Variants in IKBKB-DT observed in about 807,000 individuals in gnomAD.
IKBKB-DT encodes IKBKB antisense RNA.
At chr8:42,241,843 A>C (rs1807008359) in intron 3 of IKBKB-DT, among the ~76,000 whole-genome samples, 1 of 152,192 alleles carries the variant, frequency 6.6e-6, no homozygotes, top group Admixed American at 6.5e-5. Context: ...GTTAGTATGG[A>C]ACTCAAGCTT....
At chr8:42,271,100 TC>T in exon 1 of IKBKB-DT, 1 of 422,830 alleles carries the variant, frequency 2.4e-6, no homozygotes, top group Non-Finnish European at 4.3e-6. Context: ...GTAACGGGGG[TC>T]ATTTCAGGGC....
intron 3 of IKBKB-DT, among the ~76,000 whole-genome samples, chr8:42,239,792 C>G (rs1329505544): frequency 6.6e-6 from 1 of 150,750 alleles, no homozygotes; most frequent in Admixed American, 6.6e-5. Context: ...AGTACAGGCA[C>G]CACCCACAGC....
intron 3 of IKBKB-DT, among the ~76,000 whole-genome samples, chr8:42,234,341 G>A (rs1806891446): frequency 1.3e-5 from 2 of 152,060 alleles, no homozygotes; most frequent in Admixed American, 1.3e-4. Flanking sequence ...GCTTCCCACT[G>A]TAACAAAAAT....
chr8:42,244,380 T>G (rs59220526), intron 3 of IKBKB-DT, among the ~76,000 whole-genome samples: 8,292 of 152,242 alleles, frequency 0.054, 713 homozygotes, highest in African/African-American at 0.18. Flanking sequence ...CCCGGGCAGT[T>G]CCAGCACTGT....
At chr8:42,271,121 A>G in exon 1 of IKBKB-DT, 1 of 494,236 alleles carries the variant, frequency 2.0e-6, no homozygotes, top group Non-Finnish European at 3.6e-6. Flanking sequence ...CTGTTCTTTT[A>G]AATCGGTGAG....
At chr8:42,270,510 TA>T (rs933901152) in intron 1 of IKBKB-DT, 7 of 152,274 alleles carry the variant, frequency 4.6e-5, no homozygotes, top group African/African-American at 1.7e-4. Context: ...GAGGATTGAA[TA>T]AGGAAATCTA....
intron 3 of IKBKB-DT, among the ~76,000 whole-genome samples, chr8:42,246,417 A>G (rs1313330396): frequency 6.6e-6 from 1 of 152,224 alleles, no homozygotes; most frequent in Non-Finnish European, 1.5e-5. Context: ...TTCACTTTCT[A>G]TAATATGTTT....
chr8:42,269,462 A>AAG (rs1432044897), intron 1 of IKBKB-DT, among the ~76,000 whole-genome samples: 13 of 20,892 alleles, frequency 6.2e-4, no homozygotes, highest in Non-Finnish European at 1.1e-3. Flanking sequence ...AGGGGAGGGG[A>AAG]GGGGAGGGGA....
At chr8:42,255,239 T>C (rs991333861) in intron 3 of IKBKB-DT, 5 of 152,250 alleles carry the variant, frequency 3.3e-5, no homozygotes, top group African/African-American at 4.8e-5. Flanking sequence ...CAGCCTTGTT[T>C]GTGATCTTTT....
At chr8:42,240,929 T>C (rs1206867265) in intron 3 of IKBKB-DT, among the ~76,000 whole-genome samples, 2 of 151,600 alleles carry the variant, frequency 1.3e-5, no homozygotes, top group Non-Finnish European at 2.9e-5. Context: ...GAGCTGAGAT[T>C]GCGCCATTGC....
chr8:42,249,557 T>A (rs1419830218), intron 3 of IKBKB-DT, among the ~76,000 whole-genome samples: 1 of 151,960 alleles, frequency 6.6e-6, no homozygotes, highest in East Asian at 1.9e-4. Flanking sequence ...AGTCTTAGGA[T>A]GACATGAGAA....
chr8:42,245,640 G>C (rs982360232), intron 3 of IKBKB-DT, among the ~76,000 whole-genome samples: 1 of 152,180 alleles, frequency 6.6e-6, no homozygotes, highest in African/African-American at 2.4e-5. Context: ...TTGTTTCATC[G>C]TTCTGTAATC....
intron 3 of IKBKB-DT, among the ~76,000 whole-genome samples, chr8:42,261,327 C>T (rs751001865): frequency 2.0e-5 from 3 of 152,078 alleles, no homozygotes; most frequent in Non-Finnish European, 4.4e-5. Context: ...CCCTATTCAC[C>T]TCCCCTTCCA....
At chr8:42,259,819 G>A (rs1328993770) in intron 3 of IKBKB-DT, among the ~76,000 whole-genome samples, 1 of 151,724 alleles carries the variant, frequency 6.6e-6, no homozygotes, top group South Asian at 2.1e-4. Context: ...CTGTCTCTTC[G>A]AAAATACAAA....
chr8:42,241,821 T>C (rs1807007665), intron 3 of IKBKB-DT, among the ~76,000 whole-genome samples: 1 of 152,088 alleles, frequency 6.6e-6, no homozygotes, highest in South Asian at 2.1e-4. Flanking sequence ...ACAAAGAGAA[T>C]GGGTAGAACT....
At chr8:42,250,310 C>A (rs1408042294) in intron 3 of IKBKB-DT, among the ~76,000 whole-genome samples, 1 of 151,984 alleles carries the variant, frequency 6.6e-6, no homozygotes, top group African/African-American at 2.4e-5. Flanking sequence ...CCATCGGTAT[C>A]AGACATACAA....
intron 1 of IKBKB-DT, among the ~76,000 whole-genome samples, chr8:42,269,201 T>A (rs187606560): frequency 3.0e-4 from 45 of 150,870 alleles, no homozygotes; most frequent in Admixed American, 2.6e-3. Context: ...GTGCCTGTAA[T>A]CTCAGCTAGT....
At chr8:42,236,531 C>T (rs1002771857) in intron 3 of IKBKB-DT, among the ~76,000 whole-genome samples, 4 of 152,102 alleles carry the variant, frequency 2.6e-5, no homozygotes, top group African/African-American at 9.7e-5. Context: ...TTTGGAAGGC[C>T]GAGGCGGGTG....
chr8:42,239,772 A>G (rs1806977166), intron 3 of IKBKB-DT, among the ~76,000 whole-genome samples: 1 of 150,392 alleles, frequency 6.6e-6, no homozygotes, highest in South Asian at 2.1e-4. Context: ...CAGCCTCCCA[A>G]ATAGCTGGGA....
Sources: allele counts gnomAD v4.1 joint callset (sites outside exome capture counted in the v4.1 genomes callset), GRCh38; gene constraint gnomAD v4.1.1; transcripts MANE v1.5; gene names NCBI Gene and HGNC (gene_info 2026-07-23, HGNC 2026-07-21).